EHBP1: variants seen among roughly 807,000 people sequenced by gnomAD.
The protein encoded by EHBP1 is EH domain binding protein 1, also known as EH domain-binding protein 1.
In EHBP1, 55 loss-of-function variants were observed where a neutral mutation model predicts 144.0. That is an observed-to-expected ratio of 0.38 (90% CI 0.31 to 0.48). The LOEUF (loss-of-function observed/expected upper bound fraction) is 0.48, where lower values mean the gene tolerates loss of function less well. EHBP1 is among the 20% of genes least tolerant of loss of function. The pLI is 0.98. For synonymous variants in EHBP1, 469 were observed against 472.7 expected (o/e 0.99, Z 0.10); for missense variants, 1,200 against 1,364.2 (o/e 0.88, Z 1.90).
intron 2 of EHBP1, among the ~76,000 whole-genome samples, chr2:62,717,458 C>T (rs2035792464): frequency 6.6e-6 from 1 of 152,108 alleles, no homozygotes; most frequent in African/African-American, 2.4e-5. Flanking sequence ...TAGGGATGTT[C>T]ATATTCTACA....
chr2:62,953,339 G>A (rs2057505211), intron 13 of EHBP1, among the ~76,000 whole-genome samples: 1 of 150,084 alleles, frequency 6.7e-6, no homozygotes, highest in Admixed American at 6.6e-5. Flanking sequence ...AATAAGACAA[G>A]TTAACTAACG....
chr2:62,791,362 A>C (rs986644232), intron 5 of EHBP1, among the ~76,000 whole-genome samples: 1 of 152,046 alleles, frequency 6.6e-6, no homozygotes, highest in African/African-American at 2.4e-5. Context: ...AAAGAAAATA[A>C]GACCAAAACA....
intron 2 of EHBP1, among the ~76,000 whole-genome samples, chr2:62,731,292 A>C (rs1337918677): frequency 6.6e-6 from 1 of 152,106 alleles, no homozygotes; most frequent in Admixed American, 6.6e-5. Flanking sequence ...ATGATTGCTT[A>C]TGTATTTTAG....
chr2:62,713,635 C>G (rs2035377674), intron 2 of EHBP1, among the ~76,000 whole-genome samples: 1 of 152,106 alleles, frequency 6.6e-6, no homozygotes, highest in South Asian at 2.1e-4. Context: ...AGGTATTGTT[C>G]CCTAGTTTCT....
At chr2:62,883,204 A>T (rs990061245) in intron 10 of EHBP1, among the ~76,000 whole-genome samples, 1 of 152,232 alleles carries the variant, frequency 6.6e-6, no homozygotes. Flanking sequence ...GTGTCATGCT[A>T]TCTCTAGAGA....
chr2:62,893,019 G>A (rs2152920204), intron 10 of EHBP1, among the ~76,000 whole-genome samples: 1 of 152,180 alleles, frequency 6.6e-6, no homozygotes, highest in African/African-American at 2.4e-5. Flanking sequence ...TAAAAAGATA[G>A]TAATGAACAT....
intron 1 of EHBP1, among the ~76,000 whole-genome samples, chr2:62,675,944 A>C (rs967751319): frequency 6.6e-6 from 1 of 152,088 alleles, no homozygotes. Flanking sequence ...TTGGTAGAGA[A>C]GGGGTTTCAC....
chr2:62,723,226 A>G (rs1207641616), intron 2 of EHBP1, among the ~76,000 whole-genome samples: 1 of 152,284 alleles, frequency 6.6e-6, no homozygotes, highest in South Asian at 2.1e-4. Flanking sequence ...ACCCTTTACC[A>G]TTATGTAATG....
At chr2:62,912,654 A>C (rs1366593590) in intron 10 of EHBP1, among the ~76,000 whole-genome samples, 2 of 152,244 alleles carry the variant, frequency 1.3e-5, no homozygotes, top group Non-Finnish European at 2.9e-5. Context: ...CTGTGTATCT[A>C]CAGTTAAATG....
intron 21 of EHBP1, among the ~76,000 whole-genome samples, chr2:63,041,669 G>T (rs2061664240): frequency 6.6e-6 from 1 of 152,128 alleles, no homozygotes; most frequent in African/African-American, 2.4e-5. Flanking sequence ...GTCTTCCATA[G>T]ATTGATTAGG....
rs1174205096 is a variant in EHBP1, at chr2:62,700,432, G to A, written c.-295-6465G>A. Among the ~76,000 whole-genome samples the A allele has an allele frequency of 2.0e-5, 3 of 152,076 alleles. No individual in the cohort carries two copies. In the East Asian group the frequency reaches 5.8e-4, roughly 29 times the overall value. Reference sequence around the variant, plus strand: ...GGGGCTTACATAGCATCACTATGTTGGGGGAAGGGGATGGGGCATTTAATC... The same window carrying A: ...GGGGCTTACATAGCATCACTATGTTAGGGGAAGGGGATGGGGCATTTAATC... On this transcript the variant is annotated intron_variant, in intron 1 of 22. Transcript: ENST00000405015.
chr2:62,769,765 GC>G (rs745747087), intron 4 of EHBP1, among the ~76,000 whole-genome samples: 68 of 147,340 alleles, frequency 4.6e-4, no homozygotes, highest in Admixed American at 1.0e-3. Context: ...ATACTGCAGG[GC>G]TATAATAACC....
intron 19 of EHBP1, among the ~76,000 whole-genome samples, chr2:63,012,907 A>G (rs1392087848): frequency 6.6e-6 from 1 of 152,194 alleles, no homozygotes; most frequent in Non-Finnish European, 1.5e-5. Context: ...GGAAACATTC[A>G]TGTTGAATAG....
At chr2:62,881,566 A>G (rs953770932) in intron 10 of EHBP1, 1 of 152,154 alleles carries the variant, frequency 6.6e-6, no homozygotes, top group Non-Finnish European at 1.5e-5. Flanking sequence ...AGAAATCTAA[A>G]TCATCCTTTG....
At chr2:62,932,258 G>T (rs2056059984) in intron 10 of EHBP1, among the ~76,000 whole-genome samples, 1 of 151,722 alleles carries the variant, frequency 6.6e-6, no homozygotes, top group Non-Finnish European at 1.5e-5. Flanking sequence ...AGTCTAGAAG[G>T]GATATTTGCA....
chr2:62,737,530 T>G (rs2038263501), intron 2 of EHBP1, among the ~76,000 whole-genome samples: 1 of 152,220 alleles, frequency 6.6e-6, no homozygotes, highest in Admixed American at 6.5e-5. Context: ...TCTCTCTAAA[T>G]TTGGGGGCAG....
intron 2 of EHBP1, among the ~76,000 whole-genome samples, chr2:62,741,356 C>A (rs545301335): frequency 6.6e-6 from 1 of 152,122 alleles, no homozygotes; most frequent in Non-Finnish European, 1.5e-5. Flanking sequence ...GAGCATAAAT[C>A]TGATAGTCAG....
At chr2:63,022,807 A>G (rs2060812731) in intron 19 of EHBP1, among the ~76,000 whole-genome samples, 1 of 152,214 alleles carries the variant, frequency 6.6e-6, no homozygotes, top group South Asian at 2.1e-4. Context: ...ATGCACTCAA[A>G]GGAGCTATCT....
chr2:62,792,460 T>C (rs1348693871), intron 5 of EHBP1, among the ~76,000 whole-genome samples: 1 of 152,104 alleles, frequency 6.6e-6, no homozygotes, highest in Non-Finnish European at 1.5e-5. Flanking sequence ...AGTTTTGGAA[T>C]GGCAGAAATC....
Sources: allele counts gnomAD v4.1 joint callset (sites outside exome capture counted in the v4.1 genomes callset), GRCh38; gene constraint gnomAD v4.1.1; transcripts MANE v1.5; gene names NCBI Gene and HGNC (gene_info 2026-07-23, HGNC 2026-07-21).